The following ANKRD34C variants were observed in gnomAD, a reference collection of about 807,000 sequenced individuals.
The protein encoded by ANKRD34C is ankyrin repeat domain-containing protein 34C.
For missense variants in ANKRD34C, 563 were observed against 653.0 expected (o/e 0.86, Z 1.50); for synonymous variants, 260 against 253.6 (o/e 1.03, Z -0.24).
chr15:79,289,924 T>TG (rs1204339842), intron 1 of ANKRD34C, among the ~76,000 whole-genome samples: 3 of 152,224 alleles, frequency 2.0e-5, no homozygotes, highest in African/African-American at 2.4e-5. Flanking sequence ...TGTGTGTGCA[T>TG]GCACGTGTGC....
At position 79,294,370 on chromosome 15, in the gene ANKRD34C, A is replaced by G. The variant is rs769941314; in HGVS notation, c.1086A>G (p.Gly362=). 5.8e-6 allele frequency: 9 copies of G among 1,551,300 alleles called. No individual in the cohort carries two copies. In the South Asian group the frequency reaches 1.1e-4, roughly 18 times the overall value. Residue 362 remains glycine, a synonymous_variant, in exon 2 of 2, where the codon GGA becomes GGG. Coordinates refer to ENST00000421388, the MANE Select transcript of ANKRD34C (RefSeq NM_001146341.2). ...AGAAATGTGGTATGGGTCCATCAGG[A>G]CCCTCTGCTCTCAAAGAGCCTGCAT... is the stretch of plus-strand genomic sequence containing the variant. The part of the protein sequence containing the change: ...DQEKCGMGPS[G]PSALKEPASL...
At chr15:79,292,243 G>T (rs2058661781) in intron 1 of ANKRD34C, among the ~76,000 whole-genome samples, 1 of 152,170 alleles carries the variant, frequency 6.6e-6, no homozygotes, top group South Asian at 2.1e-4. Flanking sequence ...GGTACCCGTG[G>T]GCTGGCAGGG....
In ANKRD34C at chr15:79,297,972, CTT is replaced by C; in HGVS notation, c.*3089_*3090del. On this transcript the variant is annotated 3_prime_UTR_variant, in exon 2 of 2. Coordinates refer to ENST00000421388, the MANE Select transcript of ANKRD34C (RefSeq NM_001146341.2). ...GGTTTAATTTCTAGACTTTCCAAAG[CTT>C]TTTTTTTTCTTTTTAAAAAGCCCAT... 6.2e-6 allele frequency: 1 copy of C among 162,504 alleles called. No homozygotes were observed. The allele number at this position is 162,504 out of a possible 1,614,324, so 10.1% of individuals were successfully genotyped here.
intron 1 of ANKRD34C, among the ~76,000 whole-genome samples, chr15:79,291,601 C>CACACACACACACAG (rs1429207880): frequency 7.1e-5 from 6 of 83,996 alleles, no homozygotes; most frequent in South Asian, 4.3e-4. Flanking sequence ...CACACACACA[C>CACACACACACACAG]AGAGAGAGAG....
At position 79,295,535 on chromosome 15, in the gene ANKRD34C, G is replaced by T. The variant is rs533721015; in HGVS notation, c.*643G>T. ...CTGAGTACCCAAATATCCCATCTAT[G>T]TGGCCCCTGAATTATGATATGTCAT... is the stretch of plus-strand genomic sequence containing the variant. On this transcript the variant is annotated 3_prime_UTR_variant, in exon 2 of 2. Transcript: ENST00000421388. 3.6e-5 allele frequency: 6 copies of T among 167,164 alleles called. No individual in the cohort carries two copies. Among genetic ancestry groups the T allele is most frequent in the African/African-American group, 1.4e-4 (6 of 41,538 alleles). The allele number at this position is 167,164 out of a possible 1,614,324, so 10.4% of individuals were successfully genotyped here.
chr15:79,283,991 A>C (rs1409256204), intron 1 of ANKRD34C: 1 of 152,258 alleles, frequency 6.6e-6, no homozygotes, highest in African/African-American at 2.4e-5. Context: ...GTGTAAAGAT[A>C]TCTCCCAAGC....
At chr15:79,289,102 G>T (rs1022667936) in intron 1 of ANKRD34C, among the ~76,000 whole-genome samples, 1 of 152,186 alleles carries the variant, frequency 6.6e-6, no homozygotes, top group Non-Finnish European at 1.5e-5. Context: ...TTACAGGCGT[G>T]AGCCACCGTG....
Position 79,294,627 on chromosome 15 carries a change from G to C in ANKRD34C, c.1343G>C (p.Gly448Ala). 2.6e-6 allele frequency: 4 copies of C among 1,551,690 alleles called. No individual in the cohort carries two copies. The highest frequency in any genetic ancestry group is 2.6e-6 in the Non-Finnish European group (3 of 1,146,996). The stretch of plus-strand genomic sequence containing the variant: ...CATCTTCTAGAACGACGAGGTTCTG[G>C]AACTCTGCTCCTTGATCGCATTTCT... ...PPHLLERRGS[G>A]TLLLDRISHT... is the part of the protein sequence containing the mutation. The change falls in exon 2 of 2, where the codon GGA (glycine) becomes GCA (alanine). Residue 448 changes from glycine to alanine, a missense_variant. By Grantham distance (60) the Gly-to-Ala change is moderately conservative. Coordinates refer to ENST00000421388, the MANE Select transcript of ANKRD34C (RefSeq NM_001146341.2).
At chr15:79,285,216 G>A (rs3886142) in intron 1 of ANKRD34C, among the ~76,000 whole-genome samples, 2 of 152,176 alleles carry the variant, frequency 1.3e-5, no homozygotes, top group African/African-American at 4.8e-5. Context: ...CTAAGTACTA[G>A]AAAGTGTATA....
At position 79,296,591 on chromosome 15, in the gene ANKRD34C, A is replaced by T. The variant is rs1189236530; in HGVS notation, c.*1699A>T. On this transcript the variant is annotated 3_prime_UTR_variant, in exon 2 of 2. Transcript: ENST00000421388. ...TTCTGCCATATAAACTCTACATATTATATAATTTTTCTATAACTACCTTTG... is the reference window on the plus strand; with the variant it reads ...TTCTGCCATATAAACTCTACATATTTTATAATTTTTCTATAACTACCTTTG... 6.0e-6 allele frequency: 1 copy of T among 167,240 alleles called. No homozygotes were observed. The highest frequency in any genetic ancestry group is 1.9e-4 in the East Asian group (1 of 5,196). 10.4% of individuals were successfully genotyped at this position (167,240 alleles called of 1,614,324 possible). A position where few individuals can be genotyped will look rare whatever the true frequency, so the allele number is the denominator to read the frequency against.
chr15:79,288,714 A>G (rs1363744435), intron 1 of ANKRD34C, among the ~76,000 whole-genome samples: 3 of 151,230 alleles, frequency 2.0e-5, no homozygotes, highest in African/African-American at 7.3e-5. Flanking sequence ...CATGGTGGCT[A>G]TGCATATCTG....
chr15:79,293,968 G>A lies in ANKRD34C; in HGVS notation c.684G>A (p.Glu228=), dbSNP rs533017343. ...SSCNTSKAVN[E]PGSPTRKVSN... The stretch of plus-strand genomic sequence containing the variant: ...GTAACACCTCCAAGGCTGTTAATGA[G>A]CCTGGGTCACCCACCAGGAAAGTCA... Residue 228 remains glutamate, a synonymous_variant, in exon 2 of 2, where the codon GAG becomes GAA. Coordinates refer to ENST00000421388, the MANE Select transcript of ANKRD34C (RefSeq NM_001146341.2). 1.3e-6 allele frequency: 2 copies of A among 1,551,680 alleles called. No individual in the cohort carries two copies. Among genetic ancestry groups the A allele is most frequent in the African/African-American group, 1.4e-5 (1 of 73,162 alleles).
intron 1 of ANKRD34C, among the ~76,000 whole-genome samples, 81 bp downstream of exon 1, chr15:79,283,309 C>A (rs1377626416): frequency 6.6e-6 from 1 of 152,226 alleles, no homozygotes; most frequent in Non-Finnish European, 1.5e-5. Flanking sequence ...TGCTGTTTAG[C>A]CACAGGCAGG....
At position 79,294,589 on chromosome 15, in the gene ANKRD34C, C is replaced by A. The variant is rs1358331943; in HGVS notation, c.1305C>A (p.Arg435=). The part of the protein sequence containing the change: ...TVPSTSPSSA[R]RRPPHLLERR... ...CTAGCACATCCCCCAGCTCAGCACGCCGCAGGCCGCCACATCTTCTAGAAC... is the reference window on the plus strand; with the variant it reads ...CTAGCACATCCCCCAGCTCAGCACGACGCAGGCCGCCACATCTTCTAGAAC... The change falls in exon 2 of 2, where the codon CGC becomes CGA. Residue 435 remains arginine, a synonymous_variant. Transcript: ENST00000421388. 1 of 1,551,718 alleles carries A rather than the reference C, an allele frequency of 6.4e-7. No homozygotes were observed. Among genetic ancestry groups the A allele is most frequent in the South Asian group, 1.2e-5 (1 of 84,056 alleles).
chr15:79,295,478 A>G lies in ANKRD34C; in HGVS notation c.*586A>G, dbSNP rs1479882129. On this transcript the variant is annotated 3_prime_UTR_variant, in exon 2 of 2. Transcript: ENST00000421388. ...TGAACTCGTTCAGTAATCCAGTAAT[A>G]TATTTTGTTCACATACTAATTTGTA... 2 of 167,378 alleles carry G rather than the reference A, an allele frequency of 1.2e-5. No individual in the cohort carries two copies. Among genetic ancestry groups the G allele is most frequent in the East Asian group, 3.8e-4 (2 of 5,202 alleles). The allele number at this position is 167,378 out of a possible 1,614,324, so 10.4% of individuals were successfully genotyped here.
intron 1 of ANKRD34C, among the ~76,000 whole-genome samples, chr15:79,291,587 CACACACACACACACAGAG>C (rs1326451925): frequency 1.7e-5 from 2 of 117,868 alleles, no homozygotes; most frequent in South Asian, 3.1e-4. Flanking sequence ...CACACACACA[CACACACACACACACAGAG>C]AGAGAGAGAG....
intron 1 of ANKRD34C, among the ~76,000 whole-genome samples, chr15:79,285,780 A>G (rs565748277): frequency 7.9e-5 from 12 of 152,194 alleles, no homozygotes; most frequent in African/African-American, 2.7e-4. Context: ...GCCAAGCAAG[A>G]CATGACTGTG....
In ANKRD34C at chr15:79,288,889, C is replaced by T. The variant is rs553591349; in HGVS notation, c.-44-4352C>T. On this transcript the variant is annotated intron_variant, in intron 1 of 1. Transcript: ENST00000421388. ...AGGCTGGAGTACAATGGTACGATCT[C>T]GGCTAACTGCAACCTCTGCCTCCTG... Among the ~76,000 whole-genome samples the T allele has an allele frequency of 3.0e-5, 4 of 135,184 alleles. No homozygotes were observed. In the East Asian group the frequency reaches 6.9e-4, roughly 23 times the overall value. The allele number at this position is 135,184 out of a possible 152,430, so 88.7% of individuals were successfully genotyped here.
Position 79,295,211 on chromosome 15 carries a change from T to C in ANKRD34C, c.*319T>C, listed in dbSNP as rs1054005425. 3.8e-6 allele frequency: 1 copy of C among 265,464 alleles called. No homozygotes were observed. The highest frequency in any genetic ancestry group is 7.6e-6 in the Non-Finnish European group (1 of 132,062). 16.4% of individuals were successfully genotyped at this position (265,464 alleles called of 1,614,324 possible). A position where few individuals can be genotyped will look rare whatever the true frequency, so the allele number is the denominator to read the frequency against. On this transcript the variant is annotated 3_prime_UTR_variant, in exon 2 of 2. Coordinates refer to ENST00000421388, the MANE Select transcript of ANKRD34C (RefSeq NM_001146341.2). ...TCTATCAGACAAACAGAAAAGAATT[T>C]AAATCAGGAGGTAGTATTTGGAGTA...
Sources: gnomAD v4.1 joint callset for allele counts (sites outside exome capture counted in the v4.1 genomes callset) on GRCh38, gnomAD v4.1.1 for gene constraint, MANE v1.5 for transcripts, NCBI Gene and HGNC (gene_info 2026-07-23, HGNC 2026-07-21) for gene names.